The following EXOC7 variants were observed in gnomAD, a reference collection of about 807,000 sequenced individuals.
The protein encoded by EXOC7 is exocyst complex component Exo70.
In EXOC7, 51 loss-of-function variants were observed where a neutral mutation model predicts 87.6. The observed-to-expected ratio is 0.58, with a 90% CI of 0.46 to 0.73. The LOEUF is 0.73. Among genes scored for constraint, EXOC7 ranks in the 30% least tolerant of loss-of-function variants. The pLI is 0.00. For synonymous variants in EXOC7, 327 were observed against 357.1 expected, an observed-to-expected ratio of 0.92 and a Z score of 0.95; for missense variants, 744 against 888.4, an observed-to-expected ratio of 0.84 and a Z score of 2.07.
At chr17:76,097,536 T>C (rs989636626) in intron 5 of EXOC7, among the ~76,000 whole-genome samples, 32 of 151,294 alleles carry the variant, frequency 2.1e-4, no homozygotes, top group African/African-American at 7.7e-4. Flanking sequence ...AAACCCCATC[T>C]CTACTAACAA....
At chr17:76,101,475 A>T (rs1026131212) in intron 3 of EXOC7, 99 bp from the exon 4 acceptor site, 1 of 1,500,962 alleles carries the variant, frequency 6.7e-7, no homozygotes, top group Admixed American at 2.2e-5. Context: ...AGGGGACTCC[A>T]GGCTCAAATA....
At chr17:76,083,786 C>T (rs370950437) in intron 18 of EXOC7, 36 bp from the exon 19 acceptor site, 138 of 1,582,786 alleles carry the variant, frequency 8.7e-5, no homozygotes, top group Admixed American at 2.8e-4. Flanking sequence ...CAGGGAGGGC[C>T]GACCCCTCCC....
intron 8 of EXOC7, 44 bp from the exon 9 acceptor site, chr17:76,088,967 G>A: frequency 6.3e-7 from 1 of 1,596,822 alleles, no homozygotes; most frequent in Non-Finnish European, 8.5e-7. Flanking sequence ...GGGGCGGTGG[G>A]AGCTAGTTCT....
In EXOC7 at chr17:76,082,721, A is replaced by T; in HGVS notation, c.*927T>A. ...TTCCCATGGCTGGGGGCGGGCCATG[A>T]CAGGGCCTCTGGATTAAGCCACCCT... On this transcript the variant is annotated 3_prime_UTR_variant, in exon 19 of 19. Transcript: ENST00000589210. The T allele has an allele frequency of 6.8e-7, 1 of 1,472,386 alleles. No individual in the cohort carries two copies. The highest frequency in any genetic ancestry group is 9.1e-7 in the Non-Finnish European group (1 of 1,104,250). The allele number at this position is 1,472,386 out of a possible 1,614,324, so 91.2% of individuals were successfully genotyped here.
intron 15 of EXOC7, 56 bp downstream of exon 15, chr17:76,085,258 A>C: frequency 5.8e-6 from 8 of 1,378,564 alleles, no homozygotes; most frequent in Non-Finnish European, 8.0e-6. Flanking sequence ...CTGAGAAGGA[A>C]GAGTGCGTGG....
At position 76,101,826 on chromosome 17, in the gene EXOC7, T is replaced by G; in HGVS notation, c.164A>C (p.Lys55Thr). The G allele has an allele frequency of 1.2e-6, 2 of 1,613,872 alleles. No individual in the cohort carries two copies. Among genetic ancestry groups the G allele is most frequent in the Non-Finnish European group, 1.7e-6 (2 of 1,179,960 alleles). Residue 55 changes from lysine (K) to threonine (T), a missense_variant, in exon 3 of 19, where the codon AAG (lysine) becomes ACG (threonine). By Grantham distance (78) the Lys-to-Thr change is moderately conservative (BLOSUM62 -1). Around this residue, in one of 3 missense-constraint regions of EXOC7, gnomAD observed 512 missense variants for 573.0 expected, o/e 0.89. Coordinates refer to ENST00000589210, the MANE Select transcript of EXOC7 (RefSeq NM_001013839.4). ...ILSSFESRLMKLENSIIPVHK... is the reference protein window; with the variant it reads ...ILSSFESRLMTLENSIIPVHK... ...CACAGGGATGATGGAGTTCTCCAGC[T>G]TCATAAGGCGGCTCTCAAAGGATGA...
Position 76,103,291 on chromosome 17 carries a change from C to T in EXOC7, c.126+70G>A, listed in dbSNP as rs2068163974. The T allele has an allele frequency of 7.6e-6, 11 of 1,447,022 alleles. No individual in the cohort carries two copies. The Admixed American group carries it at 2.2e-4, about 29-fold the overall frequency. 89.6% of individuals were successfully genotyped at this position (1,447,022 alleles called of 1,614,324 possible). Reference sequence around the variant, plus strand: ...GAACTCCAGGCCGCAGGAACCGGAACCGCCAGGTCGCAAGGCTCTCCCCCA... The same window carrying T: ...GAACTCCAGGCCGCAGGAACCGGAATCGCCAGGTCGCAAGGCTCTCCCCCA... On this transcript the variant is annotated intron_variant, in intron 2 of 18. Coordinates refer to ENST00000589210, the MANE Select transcript of EXOC7 (RefSeq NM_001013839.4).
At chr17:76,086,488 G>A (rs1478252363) in intron 12 of EXOC7, among the ~76,000 whole-genome samples, 1 of 152,180 alleles carries the variant, frequency 6.6e-6, no homozygotes, top group Non-Finnish European at 1.5e-5. Flanking sequence ...CAACAGCAGA[G>A]TCTTAGAATG....
At chr17:76,086,459 G>T (rs73996115) in intron 12 of EXOC7, among the ~76,000 whole-genome samples, 1 of 152,076 alleles carries the variant, frequency 6.6e-6, no homozygotes, top group Admixed American at 6.5e-5. Flanking sequence ...TTTCTACAAG[G>T]CCCCCTTTTT....
intron 4 of EXOC7, 22 bp downstream of exon 4, chr17:76,101,249 C>G (rs773024655): frequency 3.1e-6 from 5 of 1,613,938 alleles, no homozygotes; most frequent in Middle Eastern, 3.3e-4. Flanking sequence ...AAGCTTCTCA[C>G]GTTATTCTGC....
At position 76,085,297 on chromosome 17, in the gene EXOC7, C is replaced by T. The variant is rs376548063; in HGVS notation, c.1712+17G>A. ...CACAGGGGCCCATGCAGGAGCAGGG[C>T]GGGCCCAGCCTCTCACCTGCGCTGG... On this transcript the variant is annotated intron_variant, in intron 15 of 18. Coordinates refer to ENST00000589210, the MANE Select transcript of EXOC7 (RefSeq NM_001013839.4). The T allele has an allele frequency of 4.4e-5, 70 of 1,575,780 alleles. No individual in the cohort carries two copies. The highest frequency in any genetic ancestry group is 2.4e-4 in the Admixed American group (13 of 55,048).
In EXOC7 at chr17:76,103,736, G is replaced by C. The variant is rs1567996988; in HGVS notation, c.-44C>G. On this transcript the variant is annotated 5_prime_UTR_variant, in exon 1 of 19. Transcript: ENST00000589210. ...TCCCACTCCCCAGTATCTTTCCTCCGCGGGCCCACCGGGCCCCCGTCCCCG... is the reference window on the plus strand; with the variant it reads ...TCCCACTCCCCAGTATCTTTCCTCCCCGGGCCCACCGGGCCCCCGTCCCCG... 6.4e-7 allele frequency: 1 copy of C among 1,558,908 alleles called. No individual in the cohort carries two copies. The highest frequency in any genetic ancestry group is 8.7e-7 in the Non-Finnish European group (1 of 1,152,346).
chr17:76,086,718 A>T (rs2067228917), intron 12 of EXOC7: 2 of 704,282 alleles, frequency 2.8e-6, no homozygotes, highest in Admixed American at 4.9e-5. Flanking sequence ...GAGCAGAGAG[A>T]GTTGAGAGCA....
Position 76,085,363 on chromosome 17 carries a change from G to T in EXOC7, c.1663C>A (p.Arg555Ser). The T allele has an allele frequency of 6.2e-7, 1 of 1,610,226 alleles. No homozygotes were observed. Residue 555 changes from arginine to serine, a missense_variant, in exon 15 of 19, where the codon CGC (arginine) becomes AGC (serine). By Grantham distance (110) the Arg-to-Ser change is moderately radical. Transcript: ENST00000589210. ...TGCTCAATGTGCTCCCGGTAGGAGC[G>T]CTCAGCAGTCTTCTGTGTCACTGCC... ...LVAVTQKTAE[R>S]SYREHIEQQI... is the part of the protein sequence containing the mutation.
chr17:76,084,455 A>G, intron 16 of EXOC7, 62 bp downstream of exon 16: 2 of 1,588,878 alleles, frequency 1.3e-6, no homozygotes, highest in East Asian at 4.5e-5. Context: ...TTTTTCCCAG[A>G]GACACGACAA....
rs2144571761 is a variant in EXOC7 at position 76,082,130 on chromosome 17, G to C, written c.*1518C>G. Reference sequence around the variant, plus strand: ...GTGAGGGCACGGAGGTCCAGGTGTGGGTAGAGGCCCCTTGCATCCACCCTG... The same window carrying C: ...GTGAGGGCACGGAGGTCCAGGTGTGCGTAGAGGCCCCTTGCATCCACCCTG... On this transcript the variant is annotated 3_prime_UTR_variant, in exon 19 of 19. Coordinates refer to ENST00000589210, the MANE Select transcript of EXOC7 (RefSeq NM_001013839.4). 1 of 1,472,752 alleles carries C rather than the reference G, an allele frequency of 6.8e-7. No homozygotes were observed. Among genetic ancestry groups the C allele is most frequent in the Non-Finnish European group, 9.1e-7 (1 of 1,101,988 alleles). The allele number at this position is 1,472,752 out of a possible 1,614,324, so 91.2% of individuals were successfully genotyped here.
intron 16 of EXOC7, 108 bp downstream of exon 16, chr17:76,084,409 C>G: frequency 6.4e-7 from 1 of 1,563,952 alleles, no homozygotes; most frequent in Non-Finnish European, 8.8e-7. Context: ...CCACATGCAT[C>G]CTTTGCTCTC....
At chr17:76,101,613 A>G (rs1043734073) in intron 3 of EXOC7, 66 bp downstream of exon 3, 7 of 1,532,892 alleles carry the variant, frequency 4.6e-6, no homozygotes, top group Non-Finnish European at 6.2e-6. Flanking sequence ...TGTTGGGATT[A>G]CAGACCAACC....
Position 76,081,215 on chromosome 17 carries a change from C to T in EXOC7, c.*2433G>A. 3 of 1,599,102 alleles carry T rather than the reference C, an allele frequency of 1.9e-6. No individual in the cohort carries two copies. Among genetic ancestry groups the T allele is most frequent in the South Asian group, 2.3e-5 (2 of 88,804 alleles). Reference sequence around the variant, plus strand: ...ATCACCCCTGGGCTCCAGTCTGCTACCCCCAGACTTGGCAGCTGGGATCTC... The same window carrying T: ...ATCACCCCTGGGCTCCAGTCTGCTATCCCCAGACTTGGCAGCTGGGATCTC... On this transcript the variant is annotated 3_prime_UTR_variant, in exon 19 of 19. Transcript: ENST00000589210.
Sources: allele counts gnomAD v4.1 joint callset (sites outside exome capture counted in the v4.1 genomes callset), GRCh38; gene constraint gnomAD v4.1.1; regional missense constraint gnomAD v4.1.1; transcripts MANE v1.5; gene names NCBI Gene and HGNC (gene_info 2026-07-23, HGNC 2026-07-21).